Variants in DDX10 observed in about 807,000 individuals in gnomAD.
The protein encoded by DDX10 is probable ATP-dependent RNA helicase DDX10.
A neutral mutation model predicts 104.3 loss-of-function variants in DDX10; 74 were observed. That is an observed-to-expected ratio of 0.71 (90% confidence interval 0.59 to 0.86). The LOEUF is 0.86. Among genes scored for constraint, DDX10 ranks in the 40% least tolerant of loss-of-function variants. DDX10 has a pLI of 0.00. For missense variants in DDX10, 952 were observed against 1,040.0 expected, an observed-to-expected ratio of 0.92 and a Z score of 1.16; for synonymous variants, 351 against 353.4, an observed-to-expected ratio of 0.99 and a Z score of 0.08.
chr11:108,878,568 T>G (rs10890903), intron 16 of DDX10, among the ~76,000 whole-genome samples: 79,590 of 152,016 alleles, frequency 0.52, 21,966 homozygotes, highest in Non-Finnish European at 0.62. Context: ...TCTCCTTGTT[T>G]TTGCCACAAT....
chr11:108,754,160 G>T (rs1185992827), intron 13 of DDX10, among the ~76,000 whole-genome samples: 1 of 151,932 alleles, frequency 6.6e-6, no homozygotes, highest in Non-Finnish European at 1.5e-5. Flanking sequence ...CTGTGTTGTC[G>T]GAAGTGAATC....
intron 16 of DDX10, among the ~76,000 whole-genome samples, chr11:108,892,582 C>G (rs570060121): frequency 1.3e-4 from 20 of 152,178 alleles, no homozygotes; most frequent in Non-Finnish European, 2.1e-4. Flanking sequence ...TTTTTAAAGA[C>G]ATACCTGAAA....
At chr11:108,787,639 T>C (rs1861813660) in intron 13 of DDX10, among the ~76,000 whole-genome samples, 1 of 152,010 alleles carries the variant, frequency 6.6e-6, no homozygotes, top group Admixed American at 6.6e-5. Context: ...GTTAATACTT[T>C]TGATTGTAAG....
At chr11:108,779,800 A>G (rs958133608) in intron 13 of DDX10, among the ~76,000 whole-genome samples, 4 of 152,188 alleles carry the variant, frequency 2.6e-5, no homozygotes, top group Non-Finnish European at 4.4e-5. Flanking sequence ...TTTCGCTGCA[A>G]AAAAGTTGCA....
At position 108,665,121 on chromosome 11, in the gene DDX10, G is replaced by A. The variant is rs1382691882; in HGVS notation, c.-33G>A. The A allele has an allele frequency of 6.3e-7, 1 of 1,587,592 alleles. No homozygotes were observed. Among genetic ancestry groups the A allele is most frequent in the South Asian group, 1.2e-5 (1 of 86,470 alleles). ...TCTGGCCTTAGGTGTCTCGTGTCTG[G>A]GGTTGATCCGAGCTGTCGCCGCCGC... On this transcript the variant is annotated 5_prime_UTR_variant, in exon 1 of 18. Transcript: ENST00000322536.
intron 6 of DDX10, 145 bp downstream of exon 6, chr11:108,679,705 T>C: frequency 1.8e-6 from 1 of 562,720 alleles, no homozygotes; most frequent in Admixed American, 3.8e-5. Flanking sequence ...CCAGTTAAAA[T>C]TACCCAAATT....
chr11:108,855,421 C>G (rs1359053787), intron 16 of DDX10, among the ~76,000 whole-genome samples: 1 of 152,094 alleles, frequency 6.6e-6, no homozygotes, highest in East Asian at 1.9e-4. Flanking sequence ...AGCAATATCT[C>G]ACTACTGTGC....
intron 10 of DDX10, among the ~76,000 whole-genome samples, chr11:108,715,500 A>C (rs935507252): frequency 6.6e-6 from 1 of 152,190 alleles, no homozygotes; most frequent in African/African-American, 2.4e-5. Context: ...CTCCAGCCTC[A>C]CTGAGGGAGC....
chr11:108,726,701 A>G (rs2094305818), intron 13 of DDX10, among the ~76,000 whole-genome samples: 1 of 150,840 alleles, frequency 6.6e-6, no homozygotes, highest in African/African-American at 2.4e-5. Flanking sequence ...CTTTTGCTTG[A>G]TTTTACCGAG....
At position 108,841,298 on chromosome 11, in the gene DDX10, C is replaced by CT. The variant is rs200845035; in HGVS notation, c.2086-9dup. On this transcript the variant is annotated splice_polypyrimidine_tract_variant and intron_variant, in intron 14 of 17. Transcript: ENST00000322536. ...TTCCCTACTTCCTGTTGACACTGAC[C>CT]TTTTTTTTACCTGTAGTTGGTTCAG... 1.5e-4 allele frequency: 234 copies of CT among 1,603,160 alleles called. No homozygotes were observed. The East Asian group carries it at 1.7e-3, about 11-fold the overall frequency.
intron 13 of DDX10, among the ~76,000 whole-genome samples, chr11:108,790,335 AAG>A (rs1166716347): frequency 1.3e-5 from 2 of 152,222 alleles, no homozygotes; most frequent in East Asian, 3.8e-4. Flanking sequence ...ATGAACTACA[AAG>A]AGAATATTTT....
chr11:108,699,861 A>G (rs985948138), intron 9 of DDX10, among the ~76,000 whole-genome samples: 3 of 152,134 alleles, frequency 2.0e-5, no homozygotes, highest in Admixed American at 2.0e-4. Context: ...CTCCCTGGTT[A>G]TTTTCTTGCC....
Position 108,665,303 on chromosome 11 carries a change from C to T in DDX10, c.150C>T (p.Arg50=). The T allele has an allele frequency of 6.9e-6, 11 of 1,604,240 alleles. No homozygotes were observed. The highest frequency in any genetic ancestry group is 8.5e-6 in the Non-Finnish European group (10 of 1,175,954). The change falls in exon 1 of 18, where the codon CGC becomes CGT. Residue 50 remains arginine (R), a synonymous_variant. Transcript: ENST00000322536. ...AGAAACCCGAATGGCAGGTCGAGCGCGAGAGTATCAGCCGCCTCATGCAGA... is the reference window on the plus strand; with the variant it reads ...AGAAACCCGAATGGCAGGTCGAGCGTGAGAGTATCAGCCGCCTCATGCAGA... The part of the protein sequence containing the change: ...QLKKPEWQVE[R]ESISRLMQNY...
At chr11:108,781,987 T>G (rs2094378807) in intron 13 of DDX10, among the ~76,000 whole-genome samples, 1 of 152,222 alleles carries the variant, frequency 6.6e-6, no homozygotes, top group Non-Finnish European at 1.5e-5. Flanking sequence ...CCCTCTGACC[T>G]CCACAGAAGT....
At chr11:108,826,194 A>G (rs1862393178) in intron 13 of DDX10, among the ~76,000 whole-genome samples, 1 of 152,204 alleles carries the variant, frequency 6.6e-6, no homozygotes, top group Admixed American at 6.5e-5. Context: ...TACATTTATT[A>G]AAAACATAGA....
intron 13 of DDX10, among the ~76,000 whole-genome samples, chr11:108,818,607 TAATTA>T (rs945129359): frequency 9.9e-5 from 15 of 152,224 alleles, no homozygotes; most frequent in Admixed American, 9.2e-4. Flanking sequence ...ATTAGTATCA[TAATTA>T]AGTTATTTAA....
At chr11:108,831,974 C>T (rs533080038) in intron 13 of DDX10, among the ~76,000 whole-genome samples, 1 of 152,066 alleles carries the variant, frequency 6.6e-6, no homozygotes, top group South Asian at 2.1e-4. Context: ...GTCTAGCATA[C>T]GTGTTGTAGA....
intron 16 of DDX10, among the ~76,000 whole-genome samples, chr11:108,879,342 T>C (rs1391717411): frequency 6.6e-6 from 1 of 152,224 alleles, no homozygotes; most frequent in African/African-American, 2.4e-5. Flanking sequence ...CATTATTGTG[T>C]AGATAATAAG....
chr11:108,826,854 T>A (rs2134582926), intron 13 of DDX10, among the ~76,000 whole-genome samples: 2 of 152,308 alleles, frequency 1.3e-5, no homozygotes, highest in East Asian at 3.9e-4. Context: ...AAATCTTTCT[T>A]AATGGGTCAT....
Sources: allele counts gnomAD v4.1 joint callset (sites outside exome capture counted in the v4.1 genomes callset), GRCh38; gene constraint gnomAD v4.1.1; transcripts MANE v1.5; gene names NCBI Gene and HGNC (gene_info 2026-07-23, HGNC 2026-07-21).